Variants in EPG5 observed in about 807,000 individuals in gnomAD.
EPG5 encodes the protein ectopic P-granules 5 autophagy tethering factor.
A neutral mutation model predicts 302.7 loss-of-function variants in EPG5; 159 were observed. The observed-to-expected ratio is 0.53, with a 90% CI of 0.46 to 0.60. The LOEUF is 0.60. EPG5 is among the 20% of genes least tolerant of loss of function. The probability of loss-of-function intolerance (pLI) is 0.00; values close to 1 mark genes in which losing one functional copy is unlikely to be tolerated. For synonymous variants in EPG5, 1,158 were observed against 1,136.8 expected, an observed-to-expected ratio of 1.02 and a Z score of -0.37; for missense variants, 2,896 against 3,092.4, an observed-to-expected ratio of 0.94 and a Z score of 1.51.
chr18:45,965,259 G>A (rs1446070377), intron 1 of EPG5, among the ~76,000 whole-genome samples: 5 of 152,098 alleles, frequency 3.3e-5, no homozygotes, highest in Non-Finnish European at 5.9e-5. Flanking sequence ...AGTACACATG[G>A]ACACAAAGAA....
At chr18:45,931,385 G>A (rs2050392292) in intron 11 of EPG5, among the ~76,000 whole-genome samples, 1 of 152,110 alleles carries the variant, frequency 6.6e-6, no homozygotes, top group Non-Finnish European at 1.5e-5. Flanking sequence ...TGTCATAAAC[G>A]ATATAATAAA....
At chr18:45,805,640 C>A in the EPG5 span, among the ~76,000 whole-genome samples, 1 of 151,724 alleles carries the variant, frequency 6.6e-6, no homozygotes, top group African/African-American at 2.4e-5. Context: ...TGAATGGGAC[C>A]CACTTTGAAT....
the EPG5 span, among the ~76,000 whole-genome samples, chr18:45,818,044 C>CT: frequency 6.6e-6 from 1 of 152,130 alleles, no homozygotes; most frequent in South Asian, 2.1e-4. Flanking sequence ...TAAAATCACA[C>CT]TATATAGACT....
chr18:45,925,767 C>A lies in EPG5; in HGVS notation c.2689G>T (p.Glu897Ter). 2 of 1,559,004 alleles carry A rather than the reference C, an allele frequency of 1.3e-6. No homozygotes were observed. Among genetic ancestry groups the A allele is most frequent in the South Asian group, 2.5e-5 (2 of 80,966 alleles). Residue 897 changes from glutamate (E) to a stop codon, truncating the protein, a stop_gained, in exon 14 of 44, where the codon GAA (glutamate) becomes TAA (stop). Transcript: ENST00000282041. LOFTEE classifies it high-confidence loss of function. ...VKNKLACVIL[E>*]GLNWGFAKQA... Reference sequence around the variant, plus strand: ...TTAGCAAATCCCCAATTCAGTCCTTCAAGAATAACACAGGCCAGTTTATTC... The same window carrying A: ...TTAGCAAATCCCCAATTCAGTCCTTAAAGAATAACACAGGCCAGTTTATTC...
intron 9 of EPG5, among the ~76,000 whole-genome samples, chr18:45,940,385 A>G (rs1227005669): frequency 5.3e-5 from 8 of 152,214 alleles, no homozygotes; most frequent in Admixed American, 3.9e-4. Context: ...TCCTGGGCAG[A>G]CAGTGAATGG....
chr18:45,840,803 C>G, the EPG5 span: 1 of 152,588 alleles, frequency 6.6e-6, no homozygotes, highest in African/African-American at 2.4e-5. Flanking sequence ...ACTCCCATAA[C>G]TCCACCCACC....
chr18:45,894,244 G>T (rs2049418149), intron 27 of EPG5, among the ~76,000 whole-genome samples: 1 of 152,096 alleles, frequency 6.6e-6, no homozygotes. Context: ...TGGATCACCT[G>T]AGGTCAGCAG....
chr18:45,834,769 G>A, the EPG5 span, among the ~76,000 whole-genome samples: 11 of 152,236 alleles, frequency 7.2e-5, no homozygotes, highest in African/African-American at 2.7e-4. Context: ...ATTGATGAAT[G>A]CACGATAGCA....
At chr18:45,923,044 C>T (rs968749683) in intron 15 of EPG5, among the ~76,000 whole-genome samples, 1 of 152,168 alleles carries the variant, frequency 6.6e-6, no homozygotes, top group South Asian at 2.1e-4. Flanking sequence ...CTCTAACACA[C>T]CACTGCAGTT....
intron 15 of EPG5, 71 bp downstream of exon 15, chr18:45,923,197 T>C: frequency 6.5e-7 from 1 of 1,537,852 alleles, no homozygotes. Context: ...AGTATAAGTC[T>C]ATCATCTTTA....
chr18:45,865,577 T>G (rs756492791), intron 39 of EPG5, 38 bp downstream of exon 39: 1 of 1,608,398 alleles, frequency 6.2e-7, no homozygotes, highest in African/African-American at 1.3e-5. Context: ...AGGAATGCAT[T>G]GACTGAATGA....
At chr18:45,820,803 G>C in the EPG5 span, among the ~76,000 whole-genome samples, 3 of 152,092 alleles carry the variant, frequency 2.0e-5, no homozygotes, top group Non-Finnish European at 2.9e-5. Context: ...CCTTGTGCAG[G>C]TTATATACCA....
chr18:45,865,465 G>A (rs1206786231), intron 39 of EPG5, 150 bp downstream of exon 39: 5 of 816,190 alleles, frequency 6.1e-6, no homozygotes, highest in Non-Finnish European at 9.7e-6. Flanking sequence ...CCCCACTGCT[G>A]AGTCCCTGGT....
the EPG5 span, among the ~76,000 whole-genome samples, chr18:45,810,119 G>C: frequency 6.6e-6 from 1 of 152,126 alleles, no homozygotes; most frequent in Non-Finnish European, 1.5e-5. Flanking sequence ...ACCTAGAAGA[G>C]ATGGATAAAT....
Position 45,879,589 on chromosome 18 carries a change from G to A in EPG5, c.5668-375C>T, listed in dbSNP as rs192352398. ...TCACCATGTTGCCCAGGCTGGTCTCGAATCCCTGACCTCAAGTGATCCGCC... is the reference window on the plus strand; with the variant it reads ...TCACCATGTTGCCCAGGCTGGTCTCAAATCCCTGACCTCAAGTGATCCGCC... On this transcript the variant is annotated intron_variant, in intron 32 of 43. Transcript: ENST00000282041. Among the ~76,000 whole-genome samples the A allele has an allele frequency of 2.1e-3, 327 of 152,254 alleles. 1 individual carries two copies. The highest frequency in any genetic ancestry group is 6.8e-3 in the Middle Eastern group (2 of 294).
At chr18:45,896,974 A>G (rs1367195882) in intron 27 of EPG5, among the ~76,000 whole-genome samples, 1 of 152,254 alleles carries the variant, frequency 6.6e-6, no homozygotes. Context: ...AAAATTACCT[A>G]GAAGACATTT....
At chr18:45,918,926 C>T (rs1322004579) in intron 16 of EPG5, among the ~76,000 whole-genome samples, 2 of 152,110 alleles carry the variant, frequency 1.3e-5, no homozygotes, top group African/African-American at 4.8e-5. Flanking sequence ...TTTGGTTATA[C>T]TGCTTTAATT....
chr18:45,809,195 C>T, the EPG5 span, among the ~76,000 whole-genome samples: 2,833 of 152,238 alleles, frequency 0.019, 94 homozygotes, highest in African/African-American at 0.064. Flanking sequence ...AATATATATG[C>T]ATCTAACACT....
intron 1 of EPG5, among the ~76,000 whole-genome samples, chr18:45,956,087 A>C (rs994803358): frequency 6.6e-6 from 1 of 152,246 alleles, no homozygotes; most frequent in Non-Finnish European, 1.5e-5. Flanking sequence ...ACAGGAAAAT[A>C]GTAAGTTTCA....
Sources: allele counts gnomAD v4.1 joint callset (sites outside exome capture counted in the v4.1 genomes callset), GRCh38; gene constraint gnomAD v4.1.1; transcripts MANE v1.5; gene names NCBI Gene and HGNC (gene_info 2026-07-23, HGNC 2026-07-21).